Variants in SNRPB observed in about 807,000 individuals in gnomAD.
SNRPB encodes the protein small nuclear ribonucleoprotein polypeptides B and B1, also known as small nuclear ribonucleoprotein-associated proteins B and B'.
A neutral mutation model predicts 26.6 loss-of-function variants in SNRPB; 5 were observed. The ratio of observed to expected loss-of-function variants is 0.19; its 90% CI spans 0.10 to 0.39. The LOEUF (loss-of-function observed/expected upper bound fraction) is 0.39, where lower values mean the gene tolerates loss of function less well. SNRPB is among the 10% of genes least tolerant of loss of function. The pLI is 1.00. For synonymous variants in SNRPB, 122 were observed against 105.8 expected, an observed-to-expected ratio of 1.15 and a Z score of -0.94; for missense variants, 211 against 311.9, an observed-to-expected ratio of 0.68 and a Z score of 2.44.
At position 2,463,841 on chromosome 20, in the gene SNRPB, G is replaced by A; in HGVS notation, c.326C>T (p.Ala109Val). Residue 109 changes from alanine to valine, a missense_variant, in exon 4 of 7, where the codon GCT becomes GTT. Coordinates refer to ENST00000381342, the MANE Select transcript of SNRPB (RefSeq NM_003091.4). This position sits in a 1 kb window ranked among gnomAD's most constrained non-coding sequence, Gnocchi z 5.0. ...GAAGGPGIGR[A>V]AGRGIPAGVP... ...CCCAGCTGGGATTCCTCTGCCAGCA[G>A]CCCTGCCGATCCCTGGGCCCCCGGC... 1 of 1,613,034 alleles carries A rather than the reference G, an allele frequency of 6.2e-7. No individual in the cohort carries two copies. Among genetic ancestry groups the A allele is most frequent in the Non-Finnish European group, 8.5e-7 (1 of 1,179,612 alleles).
At position 2,461,830 on chromosome 20, in the gene SNRPB, GAAC is replaced by G. The variant is rs1207448587; in HGVS notation, c.*96_*98del. 13 of 1,613,774 alleles carry G rather than the reference GAAC, an allele frequency of 8.1e-6. No homozygotes were observed. Among genetic ancestry groups the G allele is most frequent in the Admixed American group, 1.7e-5 (1 of 59,996 alleles). On this transcript the variant is annotated 3_prime_UTR_variant, in exon 7 of 7. Coordinates refer to ENST00000381342, the MANE Select transcript of SNRPB (RefSeq NM_003091.4). ...ACCAGACAATCCCATGAGACTCCAC[GAAC>G]AACAGCATAAGAAACAAACAGGTCT...
chr20:2,470,597 T>C, intron 1 of SNRPB, 91 bp downstream of exon 1: 2 of 1,543,804 alleles, frequency 1.3e-6, no homozygotes, highest in Non-Finnish European at 1.8e-6. Flanking sequence ...CCTAAGTGGC[T>C]CCAACCCACG....
At chr20:2,461,978 G>A in intron 6 of SNRPB, 39 bp from the exon 7 acceptor site, 3 of 1,500,262 alleles carry the variant, frequency 2.0e-6, no homozygotes, top group Non-Finnish European at 2.8e-6. Context: ...TGCCTGATCT[G>A]CAACTTGAAT....
Position 2,469,208 on chromosome 20 carries a change from G to A in SNRPB, c.4-1450C>T, listed in dbSNP as rs576703683. On this transcript the variant is annotated intron_variant, in intron 1 of 6. Coordinates refer to ENST00000381342, the MANE Select transcript of SNRPB (RefSeq NM_003091.4). ...GGTCACTGAGGCTAGGAGAGGTTAA[G>A]TAACTTGCCCAGTTTCACAGCTGGG... Among the ~76,000 whole-genome samples the A allele has an allele frequency of 5.3e-5, 8 of 152,324 alleles. No homozygotes were observed. In the South Asian group the frequency reaches 1.7e-3, roughly 32 times the overall value.
intron 2 of SNRPB, among the ~76,000 whole-genome samples, chr20:2,466,807 C>T (rs567596139): frequency 1.3e-5 from 2 of 152,294 alleles, no homozygotes; most frequent in African/African-American, 2.4e-5. Flanking sequence ...CTCTCTAATA[C>T]GTACCTGGCA....
intron 2 of SNRPB, among the ~76,000 whole-genome samples, chr20:2,466,550 GTT>G (rs1382028164): frequency 6.6e-6 from 1 of 152,080 alleles, no homozygotes; most frequent in African/African-American, 2.4e-5. Context: ...AAAAGATTTT[GTT>G]TTGATATTTT....
intron 2 of SNRPB, chr20:2,467,280 T>C: frequency 2.0e-6 from 1 of 491,270 alleles, no homozygotes; most frequent in South Asian, 1.5e-5. Flanking sequence ...AAATAGGCAA[T>C]GAGGCCAGAA....
In SNRPB at chr20:2,461,659, T is replaced by A; in HGVS notation, c.*270A>T. ...TGCAATTATAATGTTCTCTTAAGAG[T>A]TTATTATAAACCAGTTTCATAGGCC... On this transcript the variant is annotated 3_prime_UTR_variant, in exon 7 of 7. Coordinates refer to ENST00000381342, the MANE Select transcript of SNRPB (RefSeq NM_003091.4). 4 of 807,492 alleles carry A rather than the reference T, an allele frequency of 5.0e-6. No homozygotes were observed. The highest frequency in any genetic ancestry group is 2.1e-5 in the South Asian group (1 of 47,734). 50.0% of individuals were successfully genotyped at this position (807,492 alleles called of 1,614,324 possible).
At chr20:2,470,399 G>A (rs1470790637) in intron 1 of SNRPB, among the ~76,000 whole-genome samples, 1 of 152,234 alleles carries the variant, frequency 6.6e-6, no homozygotes, top group African/African-American at 2.4e-5. Context: ...TTAACTTAGT[G>A]CCTACTGGGT....
At chr20:2,467,044 C>A in intron 2 of SNRPB, 1 of 267,222 alleles carries the variant, frequency 3.7e-6, no homozygotes, top group East Asian at 1.3e-4. Flanking sequence ...TTTAATGGGC[C>A]AAAAGCTTAA....
At position 2,463,625 on chromosome 20, in the gene SNRPB, T is replaced by A. The variant is rs2085050931; in HGVS notation, c.420+122A>T. The A allele has an allele frequency of 1.3e-6, 1 of 743,912 alleles. No homozygotes were observed. The highest frequency in any genetic ancestry group is 1.8e-5 in the African/African-American group (1 of 56,638). The allele number at this position is 743,912 out of a possible 1,614,324, so 46.1% of individuals were successfully genotyped here. On this transcript the variant is annotated intron_variant, in intron 4 of 6. Coordinates refer to ENST00000381342, the MANE Select transcript of SNRPB (RefSeq NM_003091.4). The surrounding 1 kb of genome is among the most constrained non-coding windows in gnomAD (Gnocchi z 5.0). ...TTCTAGGGCCATGTATAAACCACAG[T>A]GAAACACTGATAGTCTGACAATCAC...
At chr20:2,467,361 C>T (rs756545661) in intron 2 of SNRPB, 3 of 593,284 alleles carry the variant, frequency 5.1e-6, no homozygotes, top group Non-Finnish European at 6.2e-6. Context: ...CCCAGGGGCA[C>T]GCAAAGTGAG....
chr20:2,469,623 G>T (rs2085099322), intron 1 of SNRPB, among the ~76,000 whole-genome samples: 1 of 152,138 alleles, frequency 6.6e-6, no homozygotes, highest in Non-Finnish European at 1.5e-5. Context: ...AACCCGGGAG[G>T]TGGAGTTTGC....
intron 1 of SNRPB, among the ~76,000 whole-genome samples, chr20:2,470,201 C>T (rs1475225558): frequency 6.6e-6 from 1 of 152,206 alleles, no homozygotes; most frequent in Non-Finnish European, 1.5e-5. Flanking sequence ...CGCCATCACC[C>T]TCCTCCGCCC....
rs80042190 is a variant in SNRPB at position 2,462,797 on chromosome 20, G to A, written c.560-36C>T. ...AAAGCCCCAAGAATATAGCTCAAGT[G>A]TCTATCTTGAAAAGGTAGCAAAAAA... On this transcript the variant is annotated intron_variant, in intron 5 of 6. Coordinates refer to ENST00000381342, the MANE Select transcript of SNRPB (RefSeq NM_003091.4). 5.3e-4 allele frequency: 796 copies of A among 1,495,840 alleles called. 5 individuals are homozygous for A. In the East Asian group the frequency reaches 0.017, roughly 32 times the overall value. The allele number at this position is 1,495,840 out of a possible 1,614,324, so 92.7% of individuals were successfully genotyped here. A position where few individuals can be genotyped will look rare whatever the true frequency, so the allele number is the denominator to read the frequency against.
In SNRPB at chr20:2,463,698, T is replaced by A; in HGVS notation, c.420+49A>T. On this transcript the variant is annotated intron_variant, in intron 4 of 6. Transcript: ENST00000381342. The surrounding 1 kb of genome is among the most constrained non-coding windows in gnomAD (Gnocchi z 5.0). ...TTAAAACTATGGACCCTCCCCTTTA[T>A]CCTTTATTTTAGCCACCAGGAGGTG... The A allele has an allele frequency of 7.1e-7, 1 of 1,402,476 alleles. No individual in the cohort carries two copies. Among genetic ancestry groups the A allele is most frequent in the Non-Finnish European group, 9.7e-7 (1 of 1,029,694 alleles). 86.9% of individuals were successfully genotyped at this position (1,402,476 alleles called of 1,614,324 possible).
intron 2 of SNRPB, among the ~76,000 whole-genome samples, chr20:2,466,634 AAAT>A (rs1191037855): frequency 1.3e-5 from 2 of 152,212 alleles, no homozygotes; most frequent in African/African-American, 4.8e-5. Context: ...TTATTTTTTA[AAAT>A]AATAACCATG....
chr20:2,462,790 C>T, intron 5 of SNRPB, 29 bp from the exon 6 acceptor site: 1 of 1,507,530 alleles, frequency 6.6e-7, no homozygotes, highest in Non-Finnish European at 8.9e-7. Context: ...AAGAATATAG[C>T]TCAAGTGTCT....
At chr20:2,462,917 C>T (rs540627358) in intron 5 of SNRPB, among the ~76,000 whole-genome samples, 156 bp from the exon 6 acceptor site, 1 of 152,376 alleles carries the variant, frequency 6.6e-6, no homozygotes, top group East Asian at 1.9e-4. Context: ...ACACCCAGGG[C>T]TCCCAATGGC....
Sources: gnomAD v4.1 joint callset for allele counts (sites outside exome capture counted in the v4.1 genomes callset) on GRCh38, gnomAD v4.1.1 for gene constraint, Gnocchi (gnomAD v3.1) non-coding constraint, MANE v1.5 for transcripts, NCBI Gene and HGNC (gene_info 2026-07-23, HGNC 2026-07-21) for gene names.